Variants in PFKFB3 observed in about 807,000 individuals in gnomAD.
PFKFB3 encodes the protein 6-phosphofructo-2-kinase/fructose-2,6-biphosphatase 3.
Under a neutral mutation model 68.0 loss-of-function variants are expected in PFKFB3, and 33 were observed. The ratio of observed to expected loss-of-function variants is 0.49; its 90% CI spans 0.37 to 0.65. The LOEUF (loss-of-function observed/expected upper bound fraction) is 0.65. PFKFB3 is among the 30% of genes least tolerant of loss of function. PFKFB3 has a pLI of 0.00. For synonymous variants in PFKFB3, 315 were observed against 288.2 expected (o/e 1.09, Z -0.94); for missense variants, 586 against 712.2 (o/e 0.82, Z 2.02).
chr10:6,231,990 T>C (rs1200563925), intron 14 of PFKFB3, among the ~76,000 whole-genome samples: 2 of 152,272 alleles, frequency 1.3e-5, no homozygotes, highest in East Asian at 3.9e-4. Flanking sequence ...CTTTCCTCCC[T>C]GTGGATGGCT....
chr10:6,228,747 C>T lies in PFKFB3; in HGVS notation c.1515+2382C>T, dbSNP rs901180045. On this transcript the variant is annotated intron_variant, in intron 14 of 14. Transcript: ENST00000379775. This position sits in a 1 kb window ranked among gnomAD's most constrained non-coding sequence, Gnocchi z 4.5. ...TCTCCCTCCCCATGAGGACCCCCCACACCCCAAAAGAGCTCCGAGTGGAGA... is the reference window on the plus strand; with the variant it reads ...TCTCCCTCCCCATGAGGACCCCCCATACCCCAAAAGAGCTCCGAGTGGAGA... Among the ~76,000 whole-genome samples, 1 of 152,190 alleles carries T rather than the reference C, an allele frequency of 6.6e-6. No homozygotes were observed. The highest frequency in any genetic ancestry group is 1.5e-5 in the Non-Finnish European group (1 of 68,022).
At chr10:6,177,488 T>TTTCTTTCTTTC (rs1564600050) in intron 1 of PFKFB3, among the ~76,000 whole-genome samples, 16 of 45,284 alleles carry the variant, frequency 3.5e-4, no homozygotes, top group East Asian at 4.8e-4. Context: ...TTCTTTCTTT[T>TTTCTTTCTTTC]TCTTTTCTTT....
chr10:6,146,691 G>A (rs553315357), intron 1 of PFKFB3, among the ~76,000 whole-genome samples: 14 of 152,224 alleles, frequency 9.2e-5, no homozygotes, highest in Non-Finnish European at 1.9e-4. Flanking sequence ...TCAGTAGAGA[G>A]CCTTATGCGG....
intron 14 of PFKFB3, among the ~76,000 whole-genome samples, chr10:6,245,146 G>C (rs1008700668): frequency 6.6e-6 from 1 of 152,138 alleles, no homozygotes; most frequent in African/African-American, 2.4e-5. Flanking sequence ...GCCCAGGCTG[G>C]AATGCAGTGG....
At chr10:6,265,498 T>G in the PFKFB3 span, among the ~76,000 whole-genome samples, 1 of 152,228 alleles carries the variant, frequency 6.6e-6, no homozygotes, top group Admixed American at 6.5e-5. Context: ...GTTTCTCCAC[T>G]ATTATGTTTA....
In PFKFB3 at chr10:6,145,226, C is replaced by CTGTCTCCTCCGGTCCTGCG. The variant is rs1841340076; in HGVS notation, c.16+218_16+236dup. 3.9e-5 allele frequency among the ~76,000 whole-genome samples: 6 copies of CTGTCTCCTCCGGTCCTGCG among 152,090 alleles called. No individual in the cohort carries two copies. The South Asian group carries it at 1.2e-3, about 32-fold the overall frequency. ...ACCCGCGTGTCCCTCCAGATCCGCA[C>CTGTCTCCTCCGGTCCTGCG]TGTCTCCTCCGGTCCTGCGTGTCCC... On this transcript the variant is annotated intron_variant, in intron 1 of 14. Transcript: ENST00000379789.
In PFKFB3 at chr10:6,221,735, C is replaced by T. The variant is rs1289649973; in HGVS notation, c.1073C>T (p.Pro358Leu). The T allele has an allele frequency of 5.6e-6, 9 of 1,598,738 alleles. No homozygotes were observed. Among genetic ancestry groups the T allele is most frequent in the Non-Finnish European group, 7.7e-6 (9 of 1,173,898 alleles). Residue 358 changes from proline to leucine, a missense_variant, in exon 10 of 15, where the codon CCC (proline) becomes CTC (leucine). Transcript: ENST00000379775. ...REQDKYYYRY[P>L]TGESYQDLVQ... ...CAGGACAAGTACTATTACCGCTACC[C>T]CACCGGGGAGGTGAGCGCAGGCTGG...
At chr10:6,223,351 A>T (rs149122898) in intron 11 of PFKFB3, among the ~76,000 whole-genome samples, 1 of 152,302 alleles carries the variant, frequency 6.6e-6, no homozygotes, top group East Asian at 1.9e-4. Context: ...TCCCATTGAA[A>T]TGTTAAGTCT....
At chr10:6,264,291 C>G in the PFKFB3 span, among the ~76,000 whole-genome samples, 2 of 152,218 alleles carry the variant, frequency 1.3e-5, no homozygotes, top group Non-Finnish European at 2.9e-5. Context: ...TCATCTTACT[C>G]TGTTCTTATT....
chr10:6,301,630 A>T, the PFKFB3 span, among the ~76,000 whole-genome samples: 1 of 152,174 alleles, frequency 6.6e-6, no homozygotes, highest in Non-Finnish European at 1.5e-5. Flanking sequence ...GCACTGATGG[A>T]TGTAACTGAT....
exon 15 of PFKFB3, chr10:6,254,186 G>A: frequency 2.5e-6 from 1 of 393,614 alleles, no homozygotes; most frequent in African/African-American, 2.1e-5. Flanking sequence ...AGGAGTTAAA[G>A]AGTGGAATTC....
chr10:6,195,352 A>G (rs1001306903), intron 1 of PFKFB3, among the ~76,000 whole-genome samples: 6 of 152,104 alleles, frequency 3.9e-5, no homozygotes, highest in Admixed American at 3.9e-4. Context: ...AGACGTCTAG[A>G]GTTTTCTTCA....
chr10:6,217,385 A>T (rs1384602713), intron 6 of PFKFB3, among the ~76,000 whole-genome samples, 194 bp downstream of exon 6: 1 of 152,196 alleles, frequency 6.6e-6, no homozygotes, highest in Non-Finnish European at 1.5e-5. Flanking sequence ...CCTGTGAGGG[A>T]CTAGCTCCAT....
the PFKFB3 span, among the ~76,000 whole-genome samples, chr10:6,274,845 A>C: frequency 2.0e-5 from 3 of 151,732 alleles, no homozygotes; most frequent in East Asian, 3.9e-4. Flanking sequence ...CAAAAAAAAA[A>C]CAAAAAACAA....
At chr10:6,146,102 G>A (rs1298804885) in intron 1 of PFKFB3, 1 of 423,876 alleles carries the variant, frequency 2.4e-6, no homozygotes, top group Non-Finnish European at 3.2e-6. Flanking sequence ...CCCCCACTGC[G>A]ACCTGGGCAC....
At chr10:6,303,325 A>G in the PFKFB3 span, among the ~76,000 whole-genome samples, 4 of 152,250 alleles carry the variant, frequency 2.6e-5, no homozygotes, top group Non-Finnish European at 2.9e-5. Flanking sequence ...TAAATAGAGA[A>G]GTGAAAATTC....
the PFKFB3 span, among the ~76,000 whole-genome samples, chr10:6,304,409 G>A: frequency 3.4e-4 from 52 of 150,968 alleles, no homozygotes; most frequent in Non-Finnish European, 3.4e-4. Flanking sequence ...ACAGCATCAC[G>A]TATCCCTTCT....
chr10:6,305,005 ATTTTTTTTT>A, the PFKFB3 span, among the ~76,000 whole-genome samples: 2 of 14,528 alleles, frequency 1.4e-4, no homozygotes, highest in African/African-American at 1.8e-4. Context: ...AATATTAGGA[ATTTTTTTTT>A]TTTTTTTTTT....
At chr10:6,294,168 T>C in the PFKFB3 span, 1 of 513,336 alleles carries the variant, frequency 1.9e-6, no homozygotes, top group South Asian at 1.4e-5. Flanking sequence ...TTGAGAGAGC[T>C]CTGGATATAG....
Sources: gnomAD v4.1 joint callset for allele counts (sites outside exome capture counted in the v4.1 genomes callset) on GRCh38, gnomAD v4.1.1 for gene constraint, Gnocchi (gnomAD v3.1) non-coding constraint, MANE v1.5 for transcripts, NCBI Gene and HGNC (gene_info 2026-07-23, HGNC 2026-07-21) for gene names.